NPAS3: variants seen among roughly 807,000 people sequenced by gnomAD.
NPAS3 encodes neuronal PAS domain-containing protein 3.
NPAS3 carries 14 observed loss-of-function variants against 73.1 expected under a neutral mutation model. The observed-to-expected ratio is 0.19, with a 90% CI of 0.13 to 0.30. The LOEUF is 0.30. NPAS3 is among the 10% of genes least tolerant of loss of function. The probability of loss-of-function intolerance (pLI) is 1.00; values close to 1 mark genes in which losing one functional copy is unlikely to be tolerated. For missense variants in NPAS3, 1,096 were observed against 1,250.0 expected, an observed-to-expected ratio of 0.88 and a Z score of 1.86; for synonymous variants, 620 against 541.5, an observed-to-expected ratio of 1.14 and a Z score of -2.01.
At chr14:33,665,861 A>G (rs1385033038) in intron 5 of NPAS3, among the ~76,000 whole-genome samples, 1 of 151,542 alleles carries the variant, frequency 6.6e-6, no homozygotes, top group East Asian at 1.9e-4. Flanking sequence ...CCTACTGGGA[A>G]AAAAAAAATC....
chr14:33,793,847 A>T (rs1260528383), intron 9 of NPAS3, 50 bp from the exon 10 acceptor site: 29 of 1,511,238 alleles, frequency 1.9e-5, no homozygotes, highest in Middle Eastern at 1.8e-4. Flanking sequence ...AAAAAAAGTT[A>T]TTTGATCCCA....
chr14:33,167,354 C>T (rs1042738987), intron 2 of NPAS3, among the ~76,000 whole-genome samples: 1 of 151,938 alleles, frequency 6.6e-6, no homozygotes, highest in Non-Finnish European at 1.5e-5. Flanking sequence ...AGTATTCAAG[C>T]CAAGTTAAGA....
In NPAS3 at chr14:33,576,199, G is replaced by A. The variant is rs140756409; in HGVS notation, c.558+15989G>A. Among the ~76,000 whole-genome samples, 28 of 152,214 alleles carry A rather than the reference G, an allele frequency of 1.8e-4. No individual in the cohort carries two copies. In the East Asian group the frequency reaches 2.7e-3, roughly 15 times the overall value. The stretch of plus-strand genomic sequence containing the variant: ...GCACCAGATTCCCTTTGCATTTGGC[G>A]TCATAAACTGCACAGTTTATAGTAC... On this transcript the variant is annotated intron_variant, in intron 5 of 11. Coordinates refer to ENST00000356141, the Ensembl canonical transcript of NPAS3.
intron 4 of NPAS3, among the ~76,000 whole-genome samples, chr14:33,527,329 C>T (rs2053847041): frequency 1.3e-5 from 2 of 152,160 alleles, no homozygotes; most frequent in Admixed American, 1.3e-4. Context: ...ACAGCAAGAG[C>T]CCACATCCAG....
intron 4 of NPAS3, among the ~76,000 whole-genome samples, chr14:33,506,025 C>T (rs1189671105): frequency 6.6e-6 from 1 of 151,920 alleles, no homozygotes; most frequent in Non-Finnish European, 1.5e-5. Flanking sequence ...ACATAAGACT[C>T]CCTTCCTCTC....
chr14:33,674,179 T>C (rs1416311977), intron 5 of NPAS3, among the ~76,000 whole-genome samples: 1 of 152,200 alleles, frequency 6.6e-6, no homozygotes, highest in South Asian at 2.1e-4. Context: ...GGCCTATTTC[T>C]GCTCTCTATA....
At chr14:33,779,643 C>G (rs961887093) in intron 9 of NPAS3, among the ~76,000 whole-genome samples, 2 of 152,150 alleles carry the variant, frequency 1.3e-5, no homozygotes, top group Non-Finnish European at 2.9e-5. Context: ...CAGTTGCCTA[C>G]CAGTATTCAG....
At position 33,089,122 on chromosome 14, in the gene NPAS3, G is replaced by A. The variant is rs535093587; in HGVS notation, c.140+33128G>A. 5.3e-5 allele frequency among the ~76,000 whole-genome samples: 8 copies of A among 152,238 alleles called. No individual in the cohort carries two copies. The South Asian group carries it at 8.3e-4, about 16-fold the overall frequency. ...CCCCTCCAAAGGAACGCAGCTGCTC[G>A]CCAGCAATGGAACAAACCTGGACGG... On this transcript the variant is annotated intron_variant, in intron 2 of 11. Coordinates refer to ENST00000356141, the Ensembl canonical transcript of NPAS3.
At chr14:33,520,698 G>A (rs567803345) in intron 4 of NPAS3, among the ~76,000 whole-genome samples, 14 of 152,070 alleles carry the variant, frequency 9.2e-5, no homozygotes, top group Non-Finnish European at 1.6e-4. Context: ...GCAGTGCCCA[G>A]TAATCTCTAA....
At chr14:33,613,969 C>A (rs749134195) in intron 5 of NPAS3, among the ~76,000 whole-genome samples, 4 of 152,186 alleles carry the variant, frequency 2.6e-5, no homozygotes, top group Non-Finnish European at 5.9e-5. Flanking sequence ...GCCGGAAACT[C>A]ACCATGTCCC....
Position 33,414,116 on chromosome 14 carries a change from C to T in NPAS3, c.468+46848C>T, listed in dbSNP as rs116398149. Among the ~76,000 whole-genome samples, 890 of 152,178 alleles carry T rather than the reference C, an allele frequency of 5.8e-3. 5 individuals are homozygous for T. Among genetic ancestry groups the T allele is most frequent in the African/African-American group, 0.021 (852 of 41,518 alleles). On this transcript the variant is annotated intron_variant, in intron 4 of 11. Transcript: ENST00000356141. Reference sequence around the variant, plus strand: ...TATTGCAATATTTCCATGCATTTTACTTCTGCTTTCAGGTAAAGCAAATCA... The same window carrying T: ...TATTGCAATATTTCCATGCATTTTATTTCTGCTTTCAGGTAAAGCAAATCA...
chr14:33,770,056 T>C (rs367792803), intron 7 of NPAS3, among the ~76,000 whole-genome samples: 10 of 152,236 alleles, frequency 6.6e-5, no homozygotes, highest in African/African-American at 1.9e-4. Context: ...TGAGCCACAA[T>C]GCCCAGCCTG....
At chr14:33,142,191 C>CTTTTTTTTT (rs10709910) in intron 2 of NPAS3, among the ~76,000 whole-genome samples, 28 of 38,100 alleles carry the variant, frequency 7.3e-4, no homozygotes, top group East Asian at 2.3e-3. Flanking sequence ...TTTGTATAAG[C>CTTTTTTTTT]TTTTTTTTTT....
At chr14:33,266,854 C>T (rs951008320) in intron 3 of NPAS3, among the ~76,000 whole-genome samples, 2 of 152,148 alleles carry the variant, frequency 1.3e-5, no homozygotes, top group Non-Finnish European at 2.9e-5. Flanking sequence ...TTGTCAACAG[C>T]TCTTATTGAT....
intron 4 of NPAS3, among the ~76,000 whole-genome samples, chr14:33,387,041 G>A (rs1474972280): frequency 6.6e-6 from 1 of 152,106 alleles, no homozygotes; most frequent in Non-Finnish European, 1.5e-5. Context: ...TCCTAATGTT[G>A]AGGCATTTAC....
In NPAS3 at chr14:33,554,870, T is replaced by C. The variant is rs1387206952; in HGVS notation, c.469-5251T>C. On this transcript the variant is annotated intron_variant, in intron 4 of 11. Transcript: ENST00000356141. ...TAGTATACCTTCAGTCATGGACCTG[T>C]GGTTAGTTCCACACCCTGCAAGGAA... Among the ~76,000 whole-genome samples, 3 of 148,312 alleles carry C rather than the reference T, an allele frequency of 2.0e-5. No individual in the cohort carries two copies. In the East Asian group the frequency reaches 5.8e-4, roughly 28 times the overall value.
rs544651696 is a variant in NPAS3 at position 33,053,111 on chromosome 14, T to A, written c.51-2794T>A. Among the ~76,000 whole-genome samples the A allele has an allele frequency of 5.3e-5, 8 of 152,324 alleles. No homozygotes were observed. The South Asian group carries it at 1.0e-3, about 20-fold the overall frequency. On this transcript the variant is annotated intron_variant, in intron 1 of 11. Transcript: ENST00000356141. Reference sequence around the variant, plus strand: ...CTGTTCTTGTTTGCACAAAATACATTTTAGCCAACTGTAGGACTTGCCCGC... The same window carrying A: ...CTGTTCTTGTTTGCACAAAATACATATTAGCCAACTGTAGGACTTGCCCGC...
chr14:33,056,689 G>C (rs1182050680), intron 2 of NPAS3, among the ~76,000 whole-genome samples: 1 of 152,120 alleles, frequency 6.6e-6, no homozygotes, highest in African/African-American at 2.4e-5. Context: ...GACTTGTATT[G>C]CTTTTGCTGT....
intron 2 of NPAS3, among the ~76,000 whole-genome samples, chr14:33,085,000 C>T (rs891320104): frequency 3.9e-5 from 6 of 152,180 alleles, no homozygotes; most frequent in African/African-American, 1.4e-4. Flanking sequence ...AGTTTGACCT[C>T]ATCTGGAGAA....
Sources: allele counts gnomAD v4.1 joint callset (sites outside exome capture counted in the v4.1 genomes callset), GRCh38; gene constraint gnomAD v4.1.1; transcripts MANE v1.5; gene names NCBI Gene and HGNC (gene_info 2026-07-23, HGNC 2026-07-21).